The following TACC1 variants were observed in gnomAD, a reference collection of about 807,000 sequenced individuals.
TACC1 encodes transforming acidic coiled-coil containing protein 1, also known as transforming acidic coiled-coil-containing protein 1.
TACC1 carries 48 observed loss-of-function variants against 84.4 expected under a neutral mutation model. That is an observed-to-expected ratio of 0.57 (90% CI 0.45 to 0.72). TACC1 has a LOEUF of 0.72. Among genes scored for constraint, TACC1 ranks in the 30% least tolerant of loss-of-function variants. The probability of loss-of-function intolerance (pLI) is 0.00; values close to 1 mark genes in which losing one functional copy is unlikely to be tolerated. For synonymous variants in TACC1, 372 were observed against 376.3 expected, an observed-to-expected ratio of 0.99 and a Z score of 0.13; for missense variants, 920 against 973.0, an observed-to-expected ratio of 0.95 and a Z score of 0.72.
At position 38,787,490 on chromosome 8, in the gene TACC1, G is replaced by T. The variant is rs1817527112; in HGVS notation, c.-93G>T. 9 of 1,401,548 alleles carry T rather than the reference G, an allele frequency of 6.4e-6. No homozygotes were observed. The highest frequency in any genetic ancestry group is 8.3e-6 in the Non-Finnish European group (9 of 1,081,624). 86.8% of individuals were successfully genotyped at this position (1,401,548 alleles called of 1,614,324 possible). Reference sequence around the variant, plus strand: ...GCCTCTGCTGGAAACGCTTGCTGGCGCCTGTCACCGGTTCCCTCCATTTTG... The same window carrying T: ...GCCTCTGCTGGAAACGCTTGCTGGCTCCTGTCACCGGTTCCCTCCATTTTG... On this transcript the variant is annotated 5_prime_UTR_variant, in exon 1 of 13. Coordinates refer to ENST00000317827, the MANE Select transcript of TACC1 (RefSeq NM_006283.3).
intron 8 of TACC1, chr8:38,839,877 A>G (rs1830884000): frequency 5.6e-6 from 1 of 177,420 alleles, no homozygotes; most frequent in East Asian, 1.6e-4. Flanking sequence ...CCAGAAGAAT[A>G]TCTTTAACTT....
At chr8:38,748,232 G>C (rs1808416723) in intron 3 of TACC1, among the ~76,000 whole-genome samples, 2 of 152,014 alleles carry the variant, frequency 1.3e-5, no homozygotes, top group South Asian at 4.1e-4. Context: ...GGGCACTTTA[G>C]AAGAAGAAAA....
chr8:38,769,918 A>G (rs1813227626), intron 3 of TACC1, among the ~76,000 whole-genome samples: 1 of 127,138 alleles, frequency 7.9e-6, no homozygotes, highest in African/African-American at 3.0e-5. Flanking sequence ...TGTGTGTGTG[A>G]TTGTGTGGTG....
At chr8:38,748,264 A>G (rs1808419194) in intron 3 of TACC1, among the ~76,000 whole-genome samples, 1 of 152,208 alleles carries the variant, frequency 6.6e-6, no homozygotes, top group South Asian at 2.1e-4. Context: ...TCAAGATGAC[A>G]TAAAATTTAC....
At chr8:38,738,899 C>T (rs1490945992) in intron 1 of TACC1, among the ~76,000 whole-genome samples, 1 of 151,960 alleles carries the variant, frequency 6.6e-6, no homozygotes, top group Non-Finnish European at 1.5e-5. Context: ...GTGCTGACTT[C>T]TTTTTTTTGA....
intron 2 of TACC1, among the ~76,000 whole-genome samples, chr8:38,802,636 G>T (rs1184261275): frequency 2.0e-5 from 3 of 152,178 alleles, no homozygotes; most frequent in African/African-American, 7.2e-5. Context: ...AGGTTTATTT[G>T]GCTCACAATT....
intron 2 of TACC1, among the ~76,000 whole-genome samples, chr8:38,810,165 T>C (rs1032107884): frequency 2.0e-5 from 3 of 152,310 alleles, no homozygotes; most frequent in Non-Finnish European, 1.5e-5. Context: ...ATTCCAGATA[T>C]CATGTCATGA....
At chr8:38,825,132 G>A (rs1827750450) in intron 3 of TACC1, among the ~76,000 whole-genome samples, 176 bp from the exon 4 acceptor site, 1 of 152,176 alleles carries the variant, frequency 6.6e-6, no homozygotes, top group African/African-American at 2.4e-5. Flanking sequence ...CGTCTCTCTG[G>A]AGAAAACTCA....
At chr8:38,815,599 A>G (rs901268799) in intron 2 of TACC1, among the ~76,000 whole-genome samples, 1 of 151,988 alleles carries the variant, frequency 6.6e-6, no homozygotes. Context: ...TTGTATTTTT[A>G]GTAGAGATGG....
At chr8:38,794,473 G>GA (rs1385728175) in intron 2 of TACC1, among the ~76,000 whole-genome samples, 1 of 152,130 alleles carries the variant, frequency 6.6e-6, no homozygotes, top group Non-Finnish European at 1.5e-5. Context: ...GGGTGTATGA[G>GA]AATTTGTAAG....
upstream of TACC1, among the ~76,000 whole-genome samples, chr8:38,785,176 C>A (rs1469301373): frequency 6.6e-6 from 1 of 152,142 alleles, no homozygotes; most frequent in Non-Finnish European, 1.5e-5. Context: ...ATTCGCAAAG[C>A]TCCCTCTGCA....
rs1275789969 is a variant in TACC1, at chr8:38,836,305, T to C, written c.1839+18T>C. 3.1e-6 allele frequency: 5 copies of C among 1,601,418 alleles called. No homozygotes were observed. Among genetic ancestry groups the C allele is most frequent in the Non-Finnish European group, 1.7e-6 (2 of 1,177,806 alleles). On this transcript the variant is annotated intron_variant, in intron 7 of 12. Transcript: ENST00000317827. The stretch of plus-strand genomic sequence containing the variant: ...GAGAAGAGGTAAAAGCTCTCCTGTT[T>C]AGTCTGCTTATCACTCCATTTCTTT...
intron 1 of TACC1, among the ~76,000 whole-genome samples, chr8:38,739,087 C>T (rs1239368554): frequency 6.6e-6 from 1 of 152,162 alleles, no homozygotes; most frequent in Admixed American, 6.5e-5. Flanking sequence ...GATGGGGTTT[C>T]CCCATGTTGA....
intron 1 of TACC1, among the ~76,000 whole-genome samples, chr8:38,741,053 G>T (rs1806970093): frequency 6.6e-6 from 1 of 152,038 alleles, no homozygotes; most frequent in African/African-American, 2.4e-5. Flanking sequence ...TCTGTCTTTA[G>T]AGATTTCCTT....
chr8:38,826,708 G>T (rs1265008810), intron 4 of TACC1, among the ~76,000 whole-genome samples: 1 of 152,028 alleles, frequency 6.6e-6, no homozygotes, highest in Non-Finnish European at 1.5e-5. Context: ...TTTACATATG[G>T]TATCAAATCA....
chr8:38,825,862 T>C (rs146623228), intron 4 of TACC1, among the ~76,000 whole-genome samples: 1,873 of 152,356 alleles, frequency 0.012, 28 homozygotes, highest in Admixed American at 0.02. Context: ...AAGGCACTTA[T>C]GTTACAGAAC....
intron 2 of TACC1, among the ~76,000 whole-genome samples, chr8:38,801,946 C>G (rs1277101880): frequency 6.6e-6 from 1 of 152,144 alleles, no homozygotes; most frequent in African/African-American, 2.4e-5. Context: ...CATGGTCTTG[C>G]TGTGTCACCC....
At chr8:38,795,079 CAG>C (rs765879591) in intron 2 of TACC1, among the ~76,000 whole-genome samples, 3 of 152,124 alleles carry the variant, frequency 2.0e-5, no homozygotes, top group Admixed American at 6.5e-5. Context: ...TAAATGAGAT[CAG>C]AGTCATGTGT....
intron 2 of TACC1, among the ~76,000 whole-genome samples, chr8:38,804,005 T>C (rs1462890735): frequency 6.6e-6 from 1 of 152,208 alleles, no homozygotes; most frequent in Non-Finnish European, 1.5e-5. Context: ...TTCTTGGAAT[T>C]GATCTATTTT....
Sources: gnomAD v4.1 joint callset for allele counts (sites outside exome capture counted in the v4.1 genomes callset) on GRCh38, gnomAD v4.1.1 for gene constraint, MANE v1.5 for transcripts, NCBI Gene and HGNC (gene_info 2026-07-23, HGNC 2026-07-21) for gene names.